The following APBB2 variants were observed in gnomAD, a reference collection of about 807,000 sequenced individuals.
APBB2 encodes Fe65-like 1.
A neutral mutation model predicts 82.5 loss-of-function variants in APBB2; 38 were observed. The observed-to-expected ratio is 0.46, with a 90% CI of 0.36 to 0.60. The LOEUF is 0.60. Ranked by LOEUF, APBB2 falls within the 20% of genes least tolerant of loss-of-function variation. The pLI is 0.00. For synonymous variants in APBB2, 341 were observed against 368.2 expected, an observed-to-expected ratio of 0.93 and a Z score of 0.85; for missense variants, 772 against 972.3, an observed-to-expected ratio of 0.79 and a Z score of 2.74.
chr4:41,212,385 G>C (rs1170915150), intron 1 of APBB2, among the ~76,000 whole-genome samples: 3 of 152,116 alleles, frequency 2.0e-5, no homozygotes, highest in African/African-American at 7.2e-5. Context: ...TGTTGCCCAG[G>C]CTGGAGTGCA....
At chr4:40,846,826 G>A (rs1757809117) in intron 12 of APBB2, among the ~76,000 whole-genome samples, 1 of 151,876 alleles carries the variant, frequency 6.6e-6, no homozygotes, top group Non-Finnish European at 1.5e-5. Context: ...GAGGAGGAGG[G>A]AAAAAGGATA....
chr4:40,856,381 C>T lies in APBB2; in HGVS notation c.1530-25804G>A, dbSNP rs191921291. On this transcript the variant is annotated intron_variant, in intron 12 of 17. Transcript: ENST00000508593. ...GTAAGCAATATTTAAATCTTCACGC[C>T]TTTCTTTTCAAAAACACTACTTCTT... 3.3e-5 allele frequency among the ~76,000 whole-genome samples: 5 copies of T among 152,344 alleles called. No individual in the cohort carries two copies. In the East Asian group the frequency reaches 9.6e-4, roughly 29 times the overall value.
rs1490460550 is a variant in APBB2 at position 40,812,644 on chromosome 4, G to A, written c.*3448C>T. On this transcript the variant is annotated 3_prime_UTR_variant, in exon 18 of 18. Coordinates refer to ENST00000508593, the MANE Select transcript of APBB2 (RefSeq NM_004307.2). ...AATCTTGAGGAGTTTGTGTTGCAATGCCTGGGACATGAACGGGCCATACAA... is the reference window on the plus strand; with the variant it reads ...AATCTTGAGGAGTTTGTGTTGCAATACCTGGGACATGAACGGGCCATACAA... 6.6e-6 allele frequency: 1 copy of A among 152,198 alleles called. No individual in the cohort carries two copies. The highest frequency in any genetic ancestry group is 1.5e-5 in the Non-Finnish European group (1 of 68,060). The allele number at this position is 152,198 out of a possible 1,614,324, so 9.4% of individuals were successfully genotyped here.
rs1744256865 is a variant in APBB2, at chr4:40,810,804, G to C, written c.*5288C>G. On this transcript the variant is annotated 3_prime_UTR_variant, in exon 18 of 18. Coordinates refer to ENST00000508593, the MANE Select transcript of APBB2 (RefSeq NM_004307.2). ...GTGGCTCATCCTCTTATCCCACCCA[G>C]ATTTCTATCTGGTTGGTTAGGGTAG... 6.6e-6 allele frequency: 1 copy of C among 152,134 alleles called. No homozygotes were observed. Among genetic ancestry groups the C allele is most frequent in the Non-Finnish European group, 1.5e-5 (1 of 68,034 alleles). 9.4% of individuals were successfully genotyped at this position (152,134 alleles called of 1,614,324 possible).
At chr4:40,875,261 A>G (rs1171382882) in intron 12 of APBB2, among the ~76,000 whole-genome samples, 1 of 152,248 alleles carries the variant, frequency 6.6e-6, no homozygotes, top group East Asian at 1.9e-4. Flanking sequence ...AACAGGTATA[A>G]GAAGTAGTTA....
chr4:41,064,151 TG>T (rs1730844963), intron 4 of APBB2, among the ~76,000 whole-genome samples: 1 of 151,990 alleles, frequency 6.6e-6, no homozygotes, highest in African/African-American at 2.4e-5. Flanking sequence ...GCTAATTTTT[TG>T]TATTTTTAGT....
chr4:40,827,653 G>C (rs1363934373), intron 13 of APBB2, among the ~76,000 whole-genome samples: 2 of 152,176 alleles, frequency 1.3e-5, no homozygotes, highest in African/African-American at 4.8e-5. Context: ...CCACTTACTA[G>C]CTGTGTGACC....
chr4:41,050,164 T>C (rs1198235792), intron 4 of APBB2, among the ~76,000 whole-genome samples: 1 of 152,236 alleles, frequency 6.6e-6, no homozygotes, highest in African/African-American at 2.4e-5. Flanking sequence ...ATGGTTACTA[T>C]GTAGAAATGG....
chr4:40,913,897 G>C (rs1308850246), intron 10 of APBB2, among the ~76,000 whole-genome samples: 2 of 152,176 alleles, frequency 1.3e-5, no homozygotes, highest in African/African-American at 4.8e-5. Flanking sequence ...GGTGAGTTAT[G>C]GTGCTGGTGG....
At chr4:40,899,789 A>T (rs1003770737) in intron 10 of APBB2, among the ~76,000 whole-genome samples, 1 of 152,194 alleles carries the variant, frequency 6.6e-6, no homozygotes, top group Non-Finnish European at 1.5e-5. Context: ...CAGCAAAATG[A>T]GAGCATGCTG....
Position 41,127,932 on chromosome 4 carries a change from T to C in APBB2, c.-261+15055A>G, listed in dbSNP as rs1244350396. ...CCATCTCTACCAAAAATATAATAAT[T>C]AGCCAGGTGTGGTGGCAAGCACCTG... On this transcript the variant is annotated intron_variant, in intron 2 of 17. Coordinates refer to ENST00000508593, the MANE Select transcript of APBB2 (RefSeq NM_004307.2). This position sits in a 1 kb window ranked among gnomAD's most constrained non-coding sequence, Gnocchi z 4.8. Among the ~76,000 whole-genome samples, 1 of 151,976 alleles carries C rather than the reference T, an allele frequency of 6.6e-6. No individual in the cohort carries two copies. The highest frequency in any genetic ancestry group is 1.5e-5 in the Non-Finnish European group (1 of 67,980).
chr4:40,934,780 C>T (rs1212864268), intron 8 of APBB2, 81 bp from the exon 9 acceptor site: 3 of 1,043,018 alleles, frequency 2.9e-6, no homozygotes, highest in Non-Finnish European at 4.4e-6. Context: ...GGAGAAACGT[C>T]TTCCCAGCAA....
chr4:40,982,364 AAGGAAGGAAGGAAGGAAGG>A (rs1799085227), intron 6 of APBB2, among the ~76,000 whole-genome samples: 3 of 16,464 alleles, frequency 1.8e-4, no homozygotes, highest in African/African-American at 7.0e-4. Flanking sequence ...GGAAGGAAGG[AAGGAAGGAAGGAAGGAAGG>A]AAGGAAGGAA....
At chr4:41,121,192 G>A (rs963211698) in intron 2 of APBB2, among the ~76,000 whole-genome samples, 1 of 152,180 alleles carries the variant, frequency 6.6e-6, no homozygotes, top group Non-Finnish European at 1.5e-5. Flanking sequence ...CCTGCTTACT[G>A]TATTTTTCCT....
chr4:41,051,541 T>G (rs1345446443), intron 4 of APBB2, among the ~76,000 whole-genome samples: 1 of 152,196 alleles, frequency 6.6e-6, no homozygotes, highest in Non-Finnish European at 1.5e-5. Context: ...CATTTCTGAC[T>G]CCATCCCTTC....
intron 5 of APBB2, among the ~76,000 whole-genome samples, chr4:41,030,725 T>C (rs1280709654): frequency 1.3e-5 from 2 of 152,130 alleles, no homozygotes; most frequent in African/African-American, 4.8e-5. Context: ...AGGTGAGCTA[T>C]AAAGAAATGT....
intron 3 of APBB2, among the ~76,000 whole-genome samples, chr4:41,074,580 C>T (rs947124949): frequency 1.3e-5 from 2 of 151,248 alleles, no homozygotes; most frequent in African/African-American, 4.8e-5. Flanking sequence ...ATTAATTCTA[C>T]CATATGAAGG....
rs1019942167 is a variant in APBB2, at chr4:41,014,201, T to G, written c.217A>C (p.Thr73Pro). The change falls in exon 6 of 18, where the codon ACT becomes CCT. Residue 73 changes from threonine (T) to proline (P), a missense_variant. Transcript: ENST00000508593. ...PPKCRKKYAL[T>P]NIQAAMGLSD... ...AGGCCCATGGCCGCCTGGATGTTAG[T>G]TAGTGCATATTTTTTCCTGCATTTG... is the stretch of plus-strand genomic sequence containing the variant. 16 of 1,614,200 alleles carry G rather than the reference T, an allele frequency of 9.9e-6. No individual in the cohort carries two copies. Among genetic ancestry groups the G allele is most frequent in the Non-Finnish European group, 1.2e-5 (14 of 1,180,034 alleles).
At chr4:41,009,034 T>A (rs933732467) in intron 6 of APBB2, among the ~76,000 whole-genome samples, 1 of 152,148 alleles carries the variant, frequency 6.6e-6, no homozygotes, top group Admixed American at 6.5e-5. Context: ...AAACTAAACA[T>A]AAAATTACAT....
Sources: gnomAD v4.1 joint callset for allele counts (sites outside exome capture counted in the v4.1 genomes callset) on GRCh38, gnomAD v4.1.1 for gene constraint, Gnocchi (gnomAD v3.1) non-coding constraint, MANE v1.5 for transcripts, NCBI Gene and HGNC (gene_info 2026-07-23, HGNC 2026-07-21) for gene names.